NAF1: variants seen among roughly 807,000 people sequenced by gnomAD.
NAF1 encodes the protein H/ACA ribonucleoprotein complex non-core subunit NAF1.
NAF1 carries 11 observed loss-of-function variants against 40.6 expected under a neutral mutation model. The ratio of observed to expected loss-of-function variants is 0.27; its 90% CI spans 0.17 to 0.45. The LOEUF is 0.45. Among genes scored for constraint, NAF1 ranks in the 20% least tolerant of loss-of-function variants. The probability of loss-of-function intolerance (pLI) is 1.00; values close to 1 mark genes in which losing one functional copy is unlikely to be tolerated. For synonymous variants in NAF1, 260 were observed against 228.5 expected (o/e 1.14, Z -1.24); for missense variants, 607 against 611.1 (o/e 0.99, Z 0.07).
downstream of NAF1, chr4:163,128,628 T>C (rs1445080475): frequency 8.4e-6 from 5 of 594,412 alleles, no homozygotes; most frequent in Non-Finnish European, 1.1e-5. Context: ...ATATATAGTT[T>C]AACTGGGTGG....
At position 163,128,997 on chromosome 4, in the gene NAF1, A is replaced by G; in HGVS notation, c.1385T>C (p.Leu462Pro). Residue 462 changes from leucine (L) to proline (P), a missense_variant, in exon 8 of 8, where the codon CTT becomes CCT. Leu to Pro is a moderately conservative substitution (Grantham distance 98, BLOSUM62 -3). This residue lies in a region of NAF1 where 189 missense variants were observed against 216.6 expected (regional missense o/e 0.87). Coordinates refer to ENST00000274054, the MANE Select transcript of NAF1 (RefSeq NM_138386.3). ...ATPNMAAHPLLNLPYSLPPPP... is the reference protein window; with the variant it reads ...ATPNMAAHPLPNLPYSLPPPP... ...TGGGGGTAGGGAGTATGGTAAGTTA[A>G]GTAATGGATGAGCAGCCATGTTTGG... The G allele has an allele frequency of 2.2e-6, 3 of 1,381,590 alleles. No individual in the cohort carries two copies. Among genetic ancestry groups the G allele is most frequent in the Non-Finnish European group, 2.9e-6 (3 of 1,042,234 alleles). 85.6% of individuals were successfully genotyped at this position (1,381,590 alleles called of 1,614,324 possible).
intron 3 of NAF1, among the ~76,000 whole-genome samples, chr4:163,147,653 TA>T (rs1251663419): frequency 1.3e-5 from 2 of 152,188 alleles, no homozygotes; most frequent in Non-Finnish European, 2.9e-5. Flanking sequence ...ATCCACACTC[TA>T]AATACCTGAA....
At chr4:163,152,795 G>A (rs1731770830) in intron 2 of NAF1, among the ~76,000 whole-genome samples, 2 of 152,226 alleles carry the variant, frequency 1.3e-5, no homozygotes, top group African/African-American at 2.4e-5. Flanking sequence ...GCCCCTTTCT[G>A]GGCAGGCCAA....
chr4:163,137,157 G>T, intron 6 of NAF1, 42 bp downstream of exon 6: 2 of 1,607,086 alleles, frequency 1.2e-6, no homozygotes, highest in Non-Finnish European at 1.7e-6. Flanking sequence ...ATTAAGTCCT[G>T]CCCTACTTTA....
At chr4:163,115,617 A>G (rs1730312446) in intron 2 of NAF1, among the ~76,000 whole-genome samples, 1 of 151,924 alleles carries the variant, frequency 6.6e-6, no homozygotes. Flanking sequence ...TTCTTTAATT[A>G]AGTTTATTTG....
intron 2 of NAF1, among the ~76,000 whole-genome samples, chr4:163,149,696 G>A (rs1431358116): frequency 2.0e-5 from 3 of 152,122 alleles, no homozygotes; most frequent in South Asian, 2.1e-4. Context: ...CATATTAAAC[G>A]TGGAAAGCCT....
chr4:163,161,312 A>G (rs568742910), intron 2 of NAF1, among the ~76,000 whole-genome samples: 98 of 152,310 alleles, frequency 6.4e-4, no homozygotes, highest in African/African-American at 2.3e-3. Context: ...GTCTCTACTA[A>G]AAATAAAAAA....
At chr4:163,133,101 T>A (rs1051143310) in intron 7 of NAF1, 53 bp downstream of exon 7, 3 of 1,405,960 alleles carry the variant, frequency 2.1e-6, no homozygotes, top group African/African-American at 1.4e-5. Context: ...TTGATAAACT[T>A]ATATAGATGT....
In NAF1 at chr4:163,151,781, TATTG is replaced by T. The variant is rs148395098; in HGVS notation, c.541-3351_541-3348del. On this transcript the variant is annotated intron_variant, in intron 2 of 7. Coordinates refer to ENST00000274054, the MANE Select transcript of NAF1 (RefSeq NM_138386.3). ...TATTTTGTCATATTAGTGTTATCAG[TATTG>T]ATTGAGATCACATTTAATTACAGTT... 6.6e-3 allele frequency among the ~76,000 whole-genome samples: 998 copies of T among 152,288 alleles called. 30 individuals are homozygous for T. In the East Asian group the frequency reaches 0.067, roughly 10 times the overall value.
downstream of NAF1, among the ~76,000 whole-genome samples, chr4:163,109,466 G>A (rs1730104716): frequency 6.6e-6 from 1 of 151,956 alleles, no homozygotes; most frequent in Non-Finnish European, 1.5e-5. Context: ...AAAGTTTTGA[G>A]TAGTTACACT....
intron 2 of NAF1, among the ~76,000 whole-genome samples, chr4:163,155,189 T>A (rs1731927564): frequency 6.6e-6 from 1 of 152,240 alleles, no homozygotes; most frequent in Non-Finnish European, 1.5e-5. Flanking sequence ...TCATTCTTTA[T>A]CAAACTATCC....
intron 4 of NAF1, 46 bp from the exon 5 acceptor site, chr4:163,140,429 T>A: frequency 6.6e-7 from 1 of 1,506,170 alleles, no homozygotes. Context: ...AAAATAACTA[T>A]TTGAAAAGTC....
At chr4:163,158,407 A>G (rs1411993740) in intron 2 of NAF1, 1 of 152,046 alleles carries the variant, frequency 6.6e-6, no homozygotes, top group African/African-American at 2.4e-5. Flanking sequence ...CATGTATTCT[A>G]ATTCATTAAC....
downstream of NAF1, among the ~76,000 whole-genome samples, chr4:163,106,122 T>C (rs1161841364): frequency 1.3e-5 from 2 of 152,150 alleles, no homozygotes; most frequent in Non-Finnish European, 2.9e-5. Context: ...CTCATTTGGA[T>C]TTGAACCAGG....
intron 5 of NAF1, among the ~76,000 whole-genome samples, chr4:163,139,202 A>G (rs1731165053): frequency 6.6e-6 from 1 of 152,090 alleles, no homozygotes; most frequent in Non-Finnish European, 1.5e-5. Context: ...CATAATACCA[A>G]AGTTACTCAG....
At chr4:163,114,575 C>G (rs1342882073) in intron 2 of NAF1, among the ~76,000 whole-genome samples, 1 of 152,034 alleles carries the variant, frequency 6.6e-6, no homozygotes, top group Non-Finnish European at 1.5e-5. Context: ...GGAATAAGTC[C>G]CACTTGGTAG....
rs1156534386 is a variant in NAF1, at chr4:163,128,902, A to T, written c.1480T>A (p.Tyr494Asn). 1.4e-6 allele frequency: 2 copies of T among 1,458,088 alleles called. No homozygotes were observed. The highest frequency in any genetic ancestry group is 1.8e-6 in the Non-Finnish European group (2 of 1,096,428). 90.3% of individuals were successfully genotyped at this position (1,458,088 alleles called of 1,614,324 possible). ...CTCTGGAAATGCATAGTCACCTAAT[A>T]GTAAGGTCCAAAATGAGAATTACTA... ...GDSNSHFGPY[Y>N] The change falls in exon 8 of 8, where the codon TAT (tyrosine) becomes AAT (asparagine). Residue 494 changes from tyrosine to asparagine, a missense_variant. Tyr to Asn is a moderately radical substitution (Grantham distance 143). This residue lies in a region of NAF1 where 189 missense variants were observed against 216.6 expected (regional missense o/e 0.87). Coordinates refer to ENST00000274054, the MANE Select transcript of NAF1 (RefSeq NM_138386.3).
chr4:163,128,601 C>T, downstream of NAF1: 1 of 345,086 alleles, frequency 2.9e-6, no homozygotes, highest in South Asian at 1.3e-4. Flanking sequence ...GTCCCATATC[C>T]ATTACTATAT....
chr4:163,151,606 A>G (rs1287444050), intron 2 of NAF1, among the ~76,000 whole-genome samples: 1 of 152,112 alleles, frequency 6.6e-6, no homozygotes, highest in Admixed American at 6.5e-5. Flanking sequence ...GTTCAGTGTC[A>G]GTACTAAACT....
Sources: gnomAD v4.1 joint callset for allele counts (sites outside exome capture counted in the v4.1 genomes callset) on GRCh38, gnomAD v4.1.1 for gene constraint, gnomAD v4.1.1 regional missense constraint, MANE v1.5 for transcripts, NCBI Gene and HGNC (gene_info 2026-07-23, HGNC 2026-07-21) for gene names.